Variants in ERG observed in about 807,000 individuals in gnomAD.
ERG encodes ETS transcription factor ERG.
ERG carries 9 observed loss-of-function variants against 55.3 expected under a neutral mutation model. The ratio of observed to expected loss-of-function variants is 0.16; its 90% confidence interval spans 0.10 to 0.28. The LOEUF is 0.28. Ranked by LOEUF, ERG falls within the 10% of genes least tolerant of loss-of-function variation. ERG has a pLI of 1.00. For missense variants in ERG, 434 were observed against 631.6 expected (o/e 0.69, Z 3.35); for synonymous variants, 223 against 237.3 (o/e 0.94, Z 0.55).
In ERG at chr21:38,381,840, A is replaced by T. The variant is rs1188804890; in HGVS notation, c.*1563T>A. 9.4e-7 allele frequency: 1 copy of T among 1,063,516 alleles called. No homozygotes were observed. The highest frequency in any genetic ancestry group is 1.6e-5 in the African/African-American group (1 of 60,978). The allele number at this position is 1,063,516 out of a possible 1,614,324, so 65.9% of individuals were successfully genotyped here. On this transcript the variant is annotated 3_prime_UTR_variant, in exon 10 of 10. Transcript: ENST00000288319. ...AAAGGGGCTAGAAATAAAAGACAGG[A>T]GGGGAGGCAAGAAGGACCTGGAGAG...
chr21:38,475,119 C>A (rs922831376), intron 1 of ERG, among the ~76,000 whole-genome samples: 3 of 152,074 alleles, frequency 2.0e-5, no homozygotes, highest in Non-Finnish European at 4.4e-5. Flanking sequence ...TGCCCATAAA[C>A]GCGGAACATA....
rs545954647 is a variant in ERG, at chr21:38,445,571, G to A, written c.69C>T (p.Tyr23=). ...CTGTCTTAGCCAGGTGTGGCGTTCC[G>A]TAGGCACACTCAAACAACGACTGGT... ...SEDQSLFECA[Y]GTPHLAKTEM... The change falls in exon 2 of 10, where the codon TAC becomes TAT. Residue 23 remains tyrosine (Y), a synonymous_variant. Coordinates refer to ENST00000288319, the MANE Select transcript of ERG (RefSeq NM_182918.4). 6.4e-5 allele frequency: 104 copies of A among 1,614,034 alleles called. No homozygotes were observed. In the Middle Eastern group the frequency reaches 6.6e-4, roughly 10 times the overall value.
chr21:38,504,544 T>G (rs1042390643), intron 2 of ERG, among the ~76,000 whole-genome samples: 2 of 152,236 alleles, frequency 1.3e-5, no homozygotes, highest in African/African-American at 2.4e-5. Flanking sequence ...TCCATATAAT[T>G]TGGAAACCAT....
intron 6 of ERG, among the ~76,000 whole-genome samples, chr21:38,394,228 T>C (rs933219194): frequency 1.3e-5 from 2 of 152,148 alleles, no homozygotes; most frequent in African/African-American, 2.4e-5. Flanking sequence ...TACAGAAATA[T>C]GTTCTAGATC....
intron 1 of ERG, among the ~76,000 whole-genome samples, chr21:38,469,917 A>T (rs1353394820): frequency 1.3e-5 from 2 of 152,192 alleles, no homozygotes; most frequent in Non-Finnish European, 2.9e-5. Flanking sequence ...CGATTTCCCC[A>T]GCAATTTGTC....
chr21:38,597,575 C>T (rs1183908273), intron 1 of ERG, among the ~76,000 whole-genome samples: 1 of 152,220 alleles, frequency 6.6e-6, no homozygotes, highest in African/African-American at 2.4e-5. Flanking sequence ...AGCACCCTGG[C>T]TGACACTCCT....
At chr21:38,515,601 C>T (rs1283244509) in intron 2 of ERG, among the ~76,000 whole-genome samples, 1 of 151,966 alleles carries the variant, frequency 6.6e-6, no homozygotes, top group Non-Finnish European at 1.5e-5. Flanking sequence ...ATAACAAAAT[C>T]AGACAAGAAC....
rs764446497 is a variant in ERG at position 38,491,040 on chromosome 21, C to T, written c.18+7323G>A. Among the ~76,000 whole-genome samples the T allele has an allele frequency of 6.6e-5, 10 of 152,084 alleles. No homozygotes were observed. The East Asian group carries it at 7.7e-4, about 12-fold the overall frequency. ...TATCGTATGGATCCAAAGAGGACTACGCAATGCAAAACCACATACTTTTTT... is the reference window on the plus strand; with the variant it reads ...TATCGTATGGATCCAAAGAGGACTATGCAATGCAAAACCACATACTTTTTT... On this transcript the variant is annotated intron_variant, in intron 1 of 9. Coordinates refer to ENST00000288319, the MANE Select transcript of ERG (RefSeq NM_182918.4).
At chr21:38,379,006 A>G (rs1987316039), downstream of ERG, among the ~76,000 whole-genome samples, 1 of 152,166 alleles carries the variant, frequency 6.6e-6, no homozygotes, top group African/African-American at 2.4e-5. Context: ...TGGCTCATTA[A>G]AAGCTGCTAT....
chr21:38,493,860 G>A (rs2059358148), intron 1 of ERG, among the ~76,000 whole-genome samples: 2 of 152,212 alleles, frequency 1.3e-5, no homozygotes, highest in South Asian at 2.1e-4. Flanking sequence ...CTGGGTGTGG[G>A]AGGCCGCACA....
chr21:38,466,205 C>T (rs1056859694), intron 1 of ERG, among the ~76,000 whole-genome samples: 1 of 151,776 alleles, frequency 6.6e-6, no homozygotes, highest in African/African-American at 2.4e-5. Flanking sequence ...CATGTATCAG[C>T]ATTCTTGTAT....
intron 3 of ERG, among the ~76,000 whole-genome samples, chr21:38,419,118 C>T (rs1280508666): frequency 1.3e-5 from 2 of 152,014 alleles, no homozygotes; most frequent in East Asian, 3.9e-4. Flanking sequence ...GACTGCCCTG[C>T]CCTATGAGAG....
At chr21:38,379,969 G>T, downstream of ERG, 1 of 992,456 alleles carries the variant, frequency 1.0e-6, no homozygotes, top group Non-Finnish European at 1.2e-6. Flanking sequence ...GGGATTACAG[G>T]TGTGAGTCAA....
chr21:38,381,616 A>T lies in ERG; in HGVS notation c.*1787T>A. On this transcript the variant is annotated 3_prime_UTR_variant, in exon 10 of 10. Transcript: ENST00000288319. ...TATCCATGACGCTTTATTTGCCAGT[A>T]ATAATACAGTTTGCCTTACGAGTGG... The T allele has an allele frequency of 9.4e-7, 1 of 1,063,410 alleles. No individual in the cohort carries two copies. The highest frequency in any genetic ancestry group is 5.0e-5 in the East Asian group (1 of 19,828). 65.9% of individuals were successfully genotyped at this position (1,063,410 alleles called of 1,614,324 possible).
chr21:38,531,752 T>C (rs2059673601), intron 2 of ERG, among the ~76,000 whole-genome samples: 1 of 152,104 alleles, frequency 6.6e-6, no homozygotes, highest in African/African-American at 2.4e-5. Flanking sequence ...TGAACAAAGA[T>C]GGGAAAAATG....
At chr21:38,446,251 A>G (rs1291357233) in intron 1 of ERG, among the ~76,000 whole-genome samples, 1 of 135,198 alleles carries the variant, frequency 7.4e-6, no homozygotes, top group Non-Finnish European at 1.6e-5. Flanking sequence ...AAAAAAAAAA[A>G]AAGCTGTGAA....
At chr21:38,509,221 C>T (rs973580752) in intron 2 of ERG, among the ~76,000 whole-genome samples, 4 of 152,162 alleles carry the variant, frequency 2.6e-5, no homozygotes, top group Admixed American at 2.6e-4. Flanking sequence ...CGGGCATCGG[C>T]ATACCATCAG....
chr21:38,611,789 G>A (rs539928521), intron 1 of ERG, among the ~76,000 whole-genome samples: 8 of 152,072 alleles, frequency 5.3e-5, no homozygotes, highest in African/African-American at 1.7e-4. Flanking sequence ...CTGCATCCTC[G>A]GCACCCAGGA....
At chr21:38,554,579 C>T (rs2059846126) in intron 2 of ERG, among the ~76,000 whole-genome samples, 1 of 152,040 alleles carries the variant, frequency 6.6e-6, no homozygotes, top group African/African-American at 2.4e-5. Context: ...GAGCGGAAAA[C>T]CAAATACCAC....
Sources: allele counts gnomAD v4.1 joint callset (sites outside exome capture counted in the v4.1 genomes callset), GRCh38; gene constraint gnomAD v4.1.1; transcripts MANE v1.5; gene names NCBI Gene and HGNC (gene_info 2026-07-23, HGNC 2026-07-21).